RNPC3: variants seen among roughly 807,000 people sequenced by gnomAD.
The protein encoded by RNPC3 is RNA binding region (RNP1, RRM) containing 3.
RNPC3 carries 48 observed loss-of-function variants against 67.5 expected under a neutral mutation model. The ratio of observed to expected loss-of-function variants is 0.71; its 90% CI spans 0.56 to 0.90. The LOEUF (loss-of-function observed/expected upper bound fraction) is 0.90. RNPC3 is among the 40% of genes least tolerant of loss of function. The pLI, the probability that RNPC3 is intolerant of heterozygous loss-of-function variation, is 0.00. For synonymous variants in RNPC3, 239 were observed against 210.3 expected, an observed-to-expected ratio of 1.14 and a Z score of -1.18; for missense variants, 637 against 626.1, an observed-to-expected ratio of 1.02 and a Z score of -0.19.
chr1:103,539,358 A>G (rs1247189809), intron 7 of RNPC3, among the ~76,000 whole-genome samples: 1 of 152,196 alleles, frequency 6.6e-6, no homozygotes, highest in African/African-American at 2.4e-5. Context: ...AAGAGTTAAA[A>G]TCAAAGCATA....
chr1:103,527,568 T>C, intron 1 of RNPC3, 127 bp from the exon 2 acceptor site: 1 of 722,050 alleles, frequency 1.4e-6, no homozygotes, highest in South Asian at 1.6e-5. Context: ...AGTTAAATGG[T>C]CTTGAGTTTT....
chr1:103,533,881 A>AT (rs774138999), intron 3 of RNPC3, 24 bp downstream of exon 3: 5 of 1,137,770 alleles, frequency 4.4e-6, no homozygotes, highest in Non-Finnish European at 6.3e-6. Context: ...TAAATCATAC[A>AT]TTTTTGTTAC....
intron 1 of RNPC3, 125 bp from the exon 2 acceptor site, chr1:103,527,570 T>G: frequency 2.7e-6 from 2 of 737,786 alleles, no homozygotes; most frequent in South Asian, 3.2e-5. Flanking sequence ...TTAAATGGTC[T>G]TGAGTTTTCA....
In RNPC3 at chr1:103,526,257, C is replaced by CGACT. The variant is rs747690408; in HGVS notation, c.189_192dup (p.Lys65ThrfsTer11). On this transcript the variant is annotated frameshift_variant, in exon 1 of 15. Transcript: ENST00000423855. LOFTEE classifies it high-confidence loss of function. ...TGTGCGGGTCCTGTCAGATAAGGGG[C>CGACT]GACTGGTAAGGGCGCGCCCCTCCGG... 1.3e-6 allele frequency: 2 copies of CGACT among 1,537,820 alleles called. No homozygotes were observed. Among genetic ancestry groups the CGACT allele is most frequent in the Non-Finnish European group, 1.8e-6 (2 of 1,138,844 alleles).
chr1:103,551,134 T>G, intron 13 of RNPC3, 61 bp downstream of exon 13: 1 of 1,386,076 alleles, frequency 7.2e-7, no homozygotes, highest in Non-Finnish European at 9.7e-7. Flanking sequence ...TAACTGAAAT[T>G]AATTTTCATG....
intron 7 of RNPC3, among the ~76,000 whole-genome samples, chr1:103,539,157 A>G (rs1419836029): frequency 1.3e-5 from 2 of 152,144 alleles, no homozygotes; most frequent in African/African-American, 4.8e-5. Flanking sequence ...TGTCTGCAGG[A>G]CTCTAATGGG....
At chr1:103,527,250 A>T (rs1186030338) in intron 1 of RNPC3, among the ~76,000 whole-genome samples, 1 of 152,206 alleles carries the variant, frequency 6.6e-6, no homozygotes, top group Non-Finnish European at 1.5e-5. Context: ...ATTGAACATT[A>T]TTACAAAGAT....
At chr1:103,543,261 A>C (rs1269375315) in intron 8 of RNPC3, 35 bp from the exon 9 acceptor site, 3 of 1,334,182 alleles carry the variant, frequency 2.2e-6, no homozygotes, top group Admixed American at 3.7e-5. Context: ...TTTTATTTGC[A>C]ATTACAAACT....
At chr1:103,541,608 A>C (rs1651127010) in intron 8 of RNPC3, 133 bp downstream of exon 8, 1 of 710,506 alleles carries the variant, frequency 1.4e-6, no homozygotes, top group Admixed American at 3.8e-5. Context: ...CTAGTTACCA[A>C]ATTTACAAAT....
intron 8 of RNPC3, 121 bp from the exon 9 acceptor site, chr1:103,543,175 C>A (rs888796516): frequency 3.2e-6 from 2 of 621,962 alleles, no homozygotes; most frequent in Non-Finnish European, 4.8e-6. Context: ...TATTGAATAT[C>A]AAAAGTGTAG....
chr1:103,548,132 A>G (rs1003116450), intron 12 of RNPC3, among the ~76,000 whole-genome samples: 3 of 152,096 alleles, frequency 2.0e-5, no homozygotes, highest in African/African-American at 7.2e-5. Context: ...CCTAGTCCTC[A>G]GGTGATGGGA....
intron 7 of RNPC3, 36 bp from the exon 8 acceptor site, chr1:103,541,314 A>G (rs954840668): frequency 2.6e-5 from 38 of 1,454,502 alleles, no homozygotes; most frequent in Non-Finnish European, 3.2e-5. Context: ...GCTTCTAGAA[A>G]GGAAATTTTG....
chr1:103,546,889 C>G (rs759220678), intron 11 of RNPC3, 88 bp from the exon 12 acceptor site: 3 of 685,662 alleles, frequency 4.4e-6, no homozygotes, highest in Non-Finnish European at 7.3e-6. Flanking sequence ...AGTATGACCT[C>G]TTCTACTGAT....
chr1:103,554,825 A>G (rs1651494037), intron 14 of RNPC3: 1 of 152,654 alleles, frequency 6.6e-6, no homozygotes, highest in Non-Finnish European at 1.5e-5. Flanking sequence ...TAGATTTTGA[A>G]AATGTAATTA....
intron 1 of RNPC3, among the ~76,000 whole-genome samples, chr1:103,526,729 A>G (rs971212725): frequency 6.6e-6 from 1 of 152,282 alleles, no homozygotes; most frequent in Non-Finnish European, 1.5e-5. Flanking sequence ...AATTTCAACT[A>G]GAAAAAGAGG....
At chr1:103,553,481 T>C (rs971466574) in intron 14 of RNPC3, 15 of 152,226 alleles carry the variant, frequency 9.9e-5, no homozygotes, top group Non-Finnish European at 2.1e-4. Context: ...ACAGATCTTT[T>C]ATGTGTTTTT....
chr1:103,533,415 C>T (rs1650908231), intron 2 of RNPC3, among the ~76,000 whole-genome samples: 1 of 151,762 alleles, frequency 6.6e-6, no homozygotes, highest in African/African-American at 2.4e-5. Context: ...TAAAAATCAC[C>T]CTGAGATTTG....
chr1:103,533,338 A>G (rs1026037502), intron 2 of RNPC3, among the ~76,000 whole-genome samples: 4 of 152,054 alleles, frequency 2.6e-5, no homozygotes, highest in South Asian at 2.1e-4. Context: ...AGAAAGTACA[A>G]AATACTCTCT....
At chr1:103,532,847 A>G (rs772372433) in intron 2 of RNPC3, among the ~76,000 whole-genome samples, 28 of 152,102 alleles carry the variant, frequency 1.8e-4, no homozygotes, top group Admixed American at 9.8e-4. Flanking sequence ...CAGTAAACTT[A>G]TTAAAGCATT....
Sources: allele counts gnomAD v4.1 joint callset (sites outside exome capture counted in the v4.1 genomes callset), GRCh38; gene constraint gnomAD v4.1.1; transcripts MANE v1.5; gene names NCBI Gene and HGNC (gene_info 2026-07-23, HGNC 2026-07-21).